Variants in DST observed in about 807,000 individuals in gnomAD.
DST encodes the protein dystonin.
DST carries 253 observed loss-of-function variants against 875.2 expected under a neutral mutation model. The ratio of observed to expected loss-of-function variants is 0.29; its 90% CI spans 0.26 to 0.32. The LOEUF is 0.32. Among genes scored for constraint, DST ranks in the 10% least tolerant of loss-of-function variants. The probability of loss-of-function intolerance (pLI) is 1.00; values close to 1 mark genes in which losing one functional copy is unlikely to be tolerated. For missense variants in DST, 8,287 were observed against 9,111.6 expected (o/e 0.91, Z 3.68); for synonymous variants, 3,124 against 3,197.1 (o/e 0.98, Z 0.77).
rs781167503 is a variant in DST, at chr6:56,529,658, T to C, written c.17385A>G (p.Leu5795=). ...CAATGTACCATACTTGAGAGAAGTCTAATTTACTCTGCACCATATCTTTAT... is the reference window on the plus strand; with the variant it reads ...CAATGTACCATACTTGAGAGAAGTCCAATTTACTCTGCACCATATCTTTAT... The part of the protein sequence containing the change: ...REDKDMVQSK[L]DFSQVWYIEI... The change falls in exon 66 of 104, where the codon TTA becomes TTG. Residue 5795 remains leucine, a synonymous_variant. Transcript: ENST00000680361. 1.9e-6 allele frequency: 3 copies of C among 1,613,856 alleles called. No individual in the cohort carries two copies. Among genetic ancestry groups the C allele is most frequent in the Middle Eastern group, 1.6e-4 (1 of 6,062 alleles).
intron 4 of DST, among the ~76,000 whole-genome samples, chr6:56,746,988 G>C (rs2099574464): frequency 6.6e-6 from 1 of 152,110 alleles, no homozygotes; most frequent in Non-Finnish European, 1.5e-5. Flanking sequence ...GGCGAGCAGA[G>C]GTGAAGGTGC....
At chr6:56,779,187 G>C (rs1467830554) in intron 4 of DST, among the ~76,000 whole-genome samples, 1 of 152,048 alleles carries the variant, frequency 6.6e-6, no homozygotes, top group Non-Finnish European at 1.5e-5. Context: ...GTCTTCTTTT[G>C]AGAAGTGTCT....
At chr6:56,873,756 C>A (rs1778417393) in intron 3 of DST, among the ~76,000 whole-genome samples, 2 of 151,942 alleles carry the variant, frequency 1.3e-5, no homozygotes, top group South Asian at 2.1e-4. Context: ...TTAATGAGCA[C>A]AAAAATACAC....
chr6:56,740,313 T>TA (rs2099542236), intron 4 of DST, among the ~76,000 whole-genome samples: 1 of 152,162 alleles, frequency 6.6e-6, no homozygotes, highest in Non-Finnish European at 1.5e-5. Flanking sequence ...GAGAAAGCAC[T>TA]AGTCTTGGTT....
At chr6:56,619,660 T>C (rs759246531) in intron 36 of DST, 1 of 1,613,896 alleles carries the variant, frequency 6.2e-7, no homozygotes, top group East Asian at 2.2e-5. Context: ...GATCACTAGC[T>C]TCTTGCATGG....
chr6:56,888,063 GC>G (rs1785475069), intron 3 of DST, among the ~76,000 whole-genome samples: 1 of 150,590 alleles, frequency 6.6e-6, no homozygotes, highest in Admixed American at 6.7e-5. Context: ...CGATTCTCCT[GC>G]CTCAGCCTCC....
At position 56,603,883 on chromosome 6, in the gene DST, G is replaced by A. The variant is rs763019517; in HGVS notation, c.10745C>T (p.Thr3582Ile). Residue 3582 changes from threonine (T) to isoleucine (I), a missense_variant, in exon 40 of 104, where the codon ACT becomes ATT. Transcript: ENST00000680361. ...CNDFPSHLEC[T>I]SGSKEMASGD... Reference sequence around the variant, plus strand: ...AGAAGCCATCTCTTTAGACCCTGAAGTACATTCCAAATGGCTTGGGAAATC... The same window carrying A: ...AGAAGCCATCTCTTTAGACCCTGAAATACATTCCAAATGGCTTGGGAAATC... 14 of 1,611,656 alleles carry A rather than the reference G, an allele frequency of 8.7e-6. No individual in the cohort carries two copies. In the Admixed American group the frequency reaches 2.0e-4, roughly 23 times the overall value.
chr6:56,860,469 T>C (rs1460902661), intron 3 of DST, among the ~76,000 whole-genome samples: 2 of 152,212 alleles, frequency 1.3e-5, no homozygotes, highest in Non-Finnish European at 2.9e-5. Context: ...CACTTCATTC[T>C]GCTGTATCCC....
rs548857138 is a variant in DST, at chr6:56,465,356, T to G, written c.22688-600A>C. Reference sequence around the variant, plus strand: ...ACAGGTAAAAGAAAATTATAACAATTTTATTGTTTTTTTCTTGGGGGGGAA... The same window carrying G: ...ACAGGTAAAAGAAAATTATAACAATGTTATTGTTTTTTTCTTGGGGGGGAA... On this transcript the variant is annotated intron_variant, in intron 99 of 103. Coordinates refer to ENST00000680361, the MANE Select transcript of DST (RefSeq NM_001374736.1). 9.9e-5 allele frequency among the ~76,000 whole-genome samples: 15 copies of G among 152,238 alleles called. No individual in the cohort carries two copies. The East Asian group carries it at 2.9e-3, about 29-fold the overall frequency.
intron 3 of DST, among the ~76,000 whole-genome samples, chr6:56,887,158 TA>T (rs1785024034): frequency 6.6e-6 from 1 of 152,220 alleles, no homozygotes; most frequent in African/African-American, 2.4e-5. Flanking sequence ...ATTGTATCAC[TA>T]AAAGTACTGA....
chr6:56,749,302 C>G (rs569283824), intron 4 of DST, among the ~76,000 whole-genome samples: 1 of 151,974 alleles, frequency 6.6e-6, no homozygotes, highest in Non-Finnish European at 1.5e-5. Context: ...TGCAGTGAGA[C>G]GAGATTGGGC....
chr6:56,460,888 G>C (rs1036451470), intron 102 of DST: 3 of 149,336 alleles, frequency 2.0e-5, no homozygotes, highest in African/African-American at 7.4e-5. Flanking sequence ...ATTTGGAGAA[G>C]TTTTTTTTTT....
At chr6:56,554,567 G>A (rs1221443468) in intron 60 of DST, among the ~76,000 whole-genome samples, 1 of 152,084 alleles carries the variant, frequency 6.6e-6, no homozygotes, top group Admixed American at 6.5e-5. Context: ...TTAAATTACA[G>A]TACATGTAAA....
At chr6:56,520,067 A>G (rs1459827357) in intron 69 of DST, among the ~76,000 whole-genome samples, 2 of 152,208 alleles carry the variant, frequency 1.3e-5, no homozygotes, top group African/African-American at 4.8e-5. Context: ...ATAAAGAAGA[A>G]CCAAATGAAA....
At chr6:56,479,818 A>G (rs1463159342) in intron 90 of DST, among the ~76,000 whole-genome samples, 1 of 152,200 alleles carries the variant, frequency 6.6e-6, no homozygotes, top group Non-Finnish European at 1.5e-5. Context: ...AACATTACCT[A>G]TTGGGTACCG....
intron 49 of DST, 32 bp from the exon 50 acceptor site, chr6:56,578,969 A>G: frequency 6.6e-7 from 1 of 1,519,644 alleles, no homozygotes; most frequent in Non-Finnish European, 8.9e-7. Flanking sequence ...AATTATACTC[A>G]GCAGGACTAA....
Position 56,605,389 on chromosome 6 carries a change from T to A in DST, c.9239A>T (p.Asn3080Ile). The A allele has an allele frequency of 6.2e-7, 1 of 1,612,650 alleles. No individual in the cohort carries two copies. Among genetic ancestry groups the A allele is most frequent in the Non-Finnish European group, 8.5e-7 (1 of 1,179,206 alleles). Residue 3080 changes from asparagine (N) to isoleucine (I), a missense_variant, in exon 40 of 104, where the codon AAT (asparagine) becomes ATT (isoleucine). Coordinates refer to ENST00000680361, the MANE Select transcript of DST (RefSeq NM_001374736.1). ...AATTAACTTGAAACTATCCCTTGTA[T>A]TTTTACCAGGCAAAAGTTTGAGATG... ...NRHLKLLPGK[N>I]TRDSFKLINS...
rs781323921 is a variant in DST at position 56,509,869 on chromosome 6, T to C, written c.18785A>G (p.His6262Arg). 6.3e-7 allele frequency: 1 copy of C among 1,597,730 alleles called. No individual in the cohort carries two copies. Among genetic ancestry groups the C allele is most frequent in the Non-Finnish European group, 8.5e-7 (1 of 1,170,742 alleles). ...CTCAAGGATCTGATCTATCTTGTCATGGAACTAGGGGCAAAACAAAGAGAT... is the reference window on the plus strand; with the variant it reads ...CTCAAGGATCTGATCTATCTTGTCACGGAACTAGGGGCAAAACAAAGAGAT... ...DEAISQSTQF[H>R]DKIDQILESL... The change falls in exon 74 of 104, where the codon CAT becomes CGT. Residue 6262 changes from histidine to arginine, a missense_variant. By Grantham distance (29) the His-to-Arg change is conservative (BLOSUM62 0). Transcript: ENST00000680361.
chr6:56,557,547 T>C, intron 58 of DST, 29 bp from the exon 59 acceptor site: 1 of 1,547,206 alleles, frequency 6.5e-7, no homozygotes. Context: ...AACTGGTGTT[T>C]GACATTTTTT....
Sources: allele counts gnomAD v4.1 joint callset (sites outside exome capture counted in the v4.1 genomes callset), GRCh38; gene constraint gnomAD v4.1.1; transcripts MANE v1.5; gene names NCBI Gene and HGNC (gene_info 2026-07-23, HGNC 2026-07-21).